The following C6orf163 variants were observed in gnomAD, a reference collection of about 807,000 sequenced individuals.
The protein encoded by C6orf163 is chromosome 6 open reading frame 163, also known as uncharacterized protein C6orf163.
In C6orf163, 22 loss-of-function variants were observed where a neutral mutation model predicts 28.4. The observed-to-expected ratio is 0.78, with a 90% CI of 0.55 to 1.11. The LOEUF (loss-of-function observed/expected upper bound fraction) is 1.11, where lower values mean the gene tolerates loss of function less well. C6orf163 is among the 50% of genes least tolerant of loss of function. C6orf163 has a pLI of 0.00. For synonymous variants in C6orf163, 110 were observed against 123.6 expected (o/e 0.89, Z 0.73); for missense variants, 342 against 389.1 (o/e 0.88, Z 1.02).
Position 87,356,307 on chromosome 6 carries a change from A to C in C6orf163, c.358A>C (p.Thr120Pro). Residue 120 changes from threonine (T) to proline (P), a missense_variant, in exon 4 of 5, where the codon ACA (threonine) becomes CCA (proline). Physicochemically the swap from Thr to Pro is conservative, Grantham distance 38 (BLOSUM62 -1). Transcript: ENST00000388923. ...AGTTTTGCCATTGCTTCAGGAAGTG[A>C]CAGCTAAAACTAAGACAGAGATGTA... ...EEHQKDLQEV[T>P]AKTKTEMYQN... 1 of 1,551,688 alleles carries C rather than the reference A, an allele frequency of 6.4e-7. No homozygotes were observed. The highest frequency in any genetic ancestry group is 2.4e-5 in the East Asian group (1 of 40,924).
At chr6:87,352,941 T>TA (rs773900550) in intron 3 of C6orf163, among the ~76,000 whole-genome samples, 187 of 152,300 alleles carry the variant, frequency 1.2e-3, no homozygotes, top group Non-Finnish European at 2.1e-3. Flanking sequence ...ATCTATTTCT[T>TA]ACAATATCTC....
chr6:87,359,805 C>T (rs1277512446), intron 4 of C6orf163, among the ~76,000 whole-genome samples: 1 of 152,166 alleles, frequency 6.6e-6, no homozygotes, highest in African/African-American at 2.4e-5. Flanking sequence ...AGTTACTTTT[C>T]TGGCCAGTGC....
At chr6:87,363,749 T>A (rs1777610575) in intron 4 of C6orf163, among the ~76,000 whole-genome samples, 1 of 152,082 alleles carries the variant, frequency 6.6e-6, no homozygotes, top group Non-Finnish European at 1.5e-5. Context: ...TCTATCATTG[T>A]TGGACATTTG....
intron 1 of C6orf163, chr6:87,347,312 T>C (rs2127929655): frequency 1.3e-6 from 1 of 743,590 alleles, no homozygotes; most frequent in South Asian, 6.0e-5. Flanking sequence ...TTTTACAGTA[T>C]GTGCATTTTT....
At chr6:87,360,396 G>A (rs1357048892) in intron 4 of C6orf163, among the ~76,000 whole-genome samples, 1 of 107,380 alleles carries the variant, frequency 9.3e-6, no homozygotes, top group Non-Finnish European at 1.8e-5. Context: ...TTTTAAGCAT[G>A]AATTTTTTTT....
rs983522249 is a variant in C6orf163, at chr6:87,348,816, T to A, written c.153T>A (p.Ile51=). 7 of 1,537,250 alleles carry A rather than the reference T, an allele frequency of 4.6e-6. No homozygotes were observed. Among genetic ancestry groups the A allele is most frequent in the Non-Finnish European group, 6.1e-6 (7 of 1,146,854 alleles). The change falls in exon 2 of 5, where the codon ATT becomes ATA. Residue 51 remains isoleucine (I), a synonymous_variant. Coordinates refer to ENST00000388923, the MANE Select transcript of C6orf163 (RefSeq NM_001010868.3). ...CATTGCTCTTCAAATACACAGATAT[T>A]GGGGCAAATATTCTGAAAAAAGAAG... ...RFYTHKDILD[I]GANILKKEEQ...
chr6:87,364,873 T>C (rs1005388156), intron 4 of C6orf163, 88 bp from the exon 5 acceptor site: 13 of 998,788 alleles, frequency 1.3e-5, no homozygotes, highest in Non-Finnish European at 1.7e-5. Flanking sequence ...ATCTCAACAA[T>C]TGCTCATTCA....
Position 87,348,925 on chromosome 6 carries a change from C to T in C6orf163, c.243+19C>T. On this transcript the variant is annotated intron_variant, in intron 2 of 4. Coordinates refer to ENST00000388923, the MANE Select transcript of C6orf163 (RefSeq NM_001010868.3). ...GGCTCAGGTAAAAGAAGTTACATGTCAACCTAAAGTCCATCTTTACCGTTC... is the reference window on the plus strand; with the variant it reads ...GGCTCAGGTAAAAGAAGTTACATGTTAACCTAAAGTCCATCTTTACCGTTC... 6.5e-7 allele frequency: 1 copy of T among 1,535,950 alleles called. No homozygotes were observed. Among genetic ancestry groups the T allele is most frequent in the African/African-American group, 1.4e-5 (1 of 73,038 alleles).
chr6:87,344,942 A>G lies in C6orf163; in HGVS notation c.-158A>G, dbSNP rs1383795501. The G allele has an allele frequency of 5.1e-6, 3 of 585,348 alleles. No homozygotes were observed. The highest frequency in any genetic ancestry group is 3.0e-5 in the East Asian group (1 of 33,868). 36.3% of individuals were successfully genotyped at this position (585,348 alleles called of 1,614,324 possible). A position where few individuals can be genotyped will look rare whatever the true frequency, so the allele number is the denominator to read the frequency against. ...AACGTTAGACACATAACCACAGCCT[A>G]ATCACTTGAACCATTTAATCCTTAC... On this transcript the variant is annotated 5_prime_UTR_variant, in exon 1 of 5. An upstream open reading frame in the 5' UTR loses its in-frame stop. Transcript: ENST00000388923.
intron 4 of C6orf163, among the ~76,000 whole-genome samples, chr6:87,364,669 G>C (rs1433393428): frequency 6.6e-6 from 1 of 152,168 alleles, no homozygotes; most frequent in Non-Finnish European, 1.5e-5. Context: ...TAAGCACAAT[G>C]CATGTATATT....
chr6:87,360,716 A>G (rs941823864), intron 4 of C6orf163, among the ~76,000 whole-genome samples: 2 of 152,124 alleles, frequency 1.3e-5, no homozygotes, highest in African/African-American at 4.8e-5. Flanking sequence ...AATTCTTTTA[A>G]GCTTTTGTAA....
chr6:87,353,268 A>G (rs1161933627), intron 3 of C6orf163, among the ~76,000 whole-genome samples: 4 of 152,186 alleles, frequency 2.6e-5, no homozygotes, highest in Non-Finnish European at 5.9e-5. Flanking sequence ...TTTAAATTCT[A>G]TGATTCAATA....
At chr6:87,355,085 A>G (rs181863431) in intron 3 of C6orf163, among the ~76,000 whole-genome samples, 3 of 152,354 alleles carry the variant, frequency 2.0e-5, no homozygotes, top group African/African-American at 4.8e-5. Context: ...CCAGTGTACT[A>G]TATCTTACAA....
chr6:87,362,060 T>A (rs1283821546), intron 4 of C6orf163, among the ~76,000 whole-genome samples: 1 of 152,206 alleles, frequency 6.6e-6, no homozygotes, highest in Non-Finnish European at 1.5e-5. Context: ...CTCATGAGCT[T>A]GAAGCAGGTA....
chr6:87,350,378 A>T lies in C6orf163; in HGVS notation c.244-16A>T. On this transcript the variant is annotated splice_polypyrimidine_tract_variant and intron_variant, in intron 2 of 4. Coordinates refer to ENST00000388923, the MANE Select transcript of C6orf163 (RefSeq NM_001010868.3). ...TTCTGATACATTAATAGATAAATGG[A>T]CTCTTTCTTTCAAAGGCTAATGAAC... 2.7e-6 allele frequency: 4 copies of T among 1,454,962 alleles called. No homozygotes were observed. The highest frequency in any genetic ancestry group is 2.8e-6 in the Non-Finnish European group (3 of 1,075,792). 90.1% of individuals were successfully genotyped at this position (1,454,962 alleles called of 1,614,324 possible).
At chr6:87,348,154 CA>C (rs558510761) in intron 1 of C6orf163, 136 of 948,126 alleles carry the variant, frequency 1.4e-4, no homozygotes, top group Middle Eastern at 5.3e-4. Context: ...GACTCCCTCT[CA>C]AAAAAAAAGA....
chr6:87,344,876 G>T lies in C6orf163; in HGVS notation c.-224G>T. On this transcript the variant is annotated 5_prime_UTR_variant, in exon 1 of 5. Transcript: ENST00000388923. ...CTACTTAAATCTTCCCAAATCTGGTGCCCATACCTTCTATGGCAGGGGCTT... is the reference window on the plus strand; with the variant it reads ...CTACTTAAATCTTCCCAAATCTGGTTCCCATACCTTCTATGGCAGGGGCTT... The T allele has an allele frequency of 2.7e-6, 1 of 364,766 alleles. No homozygotes were observed. The highest frequency in any genetic ancestry group is 4.9e-6 in the Non-Finnish European group (1 of 204,502). The allele number at this position is 364,766 out of a possible 1,614,324, so 22.6% of individuals were successfully genotyped here. A position where few individuals can be genotyped will look rare whatever the true frequency, so the allele number is the denominator to read the frequency against.
chr6:87,356,119 G>C (rs1365777897), intron 3 of C6orf163, 182 bp from the exon 4 acceptor site: 2 of 568,432 alleles, frequency 3.5e-6, no homozygotes, highest in African/African-American at 3.8e-5. Context: ...GTACATTTTT[G>C]GTTCACCTAA....
intron 3 of C6orf163, among the ~76,000 whole-genome samples, chr6:87,353,094 T>C (rs1777442403): frequency 6.6e-6 from 1 of 152,186 alleles, no homozygotes; most frequent in Admixed American, 6.5e-5. Flanking sequence ...TTCCACATGC[T>C]ATGTGAGGCA....
Sources: allele counts gnomAD v4.1 joint callset (sites outside exome capture counted in the v4.1 genomes callset), GRCh38; gene constraint gnomAD v4.1.1; transcripts MANE v1.5; gene names NCBI Gene and HGNC (gene_info 2026-07-23, HGNC 2026-07-21).